NEK10: variants seen among roughly 807,000 people sequenced by gnomAD.
NEK10 encodes serine/threonine-protein kinase Nek10.
Under a neutral mutation model 159.8 loss-of-function variants are expected in NEK10, and 122 were observed. The observed-to-expected ratio is 0.76, with a 90% CI of 0.66 to 0.89. NEK10 has a LOEUF of 0.89. Among genes scored for constraint, NEK10 ranks in the 40% least tolerant of loss-of-function variants. NEK10 has a pLI of 0.00. For synonymous variants in NEK10, 466 were observed against 457.1 expected, an observed-to-expected ratio of 1.02 and a Z score of -0.25; for missense variants, 1,342 against 1,323.1, an observed-to-expected ratio of 1.01 and a Z score of -0.22.
chr3:27,146,061 TTCTA>T (rs1944269255), intron 30 of NEK10, among the ~76,000 whole-genome samples: 1 of 152,310 alleles, frequency 6.6e-6, no homozygotes, highest in South Asian at 2.1e-4. Context: ...TAACACGATG[TTCTA>T]TCTATCTCTC....
At chr3:27,354,882 C>T (rs145215441) in intron 1 of NEK10, among the ~76,000 whole-genome samples, 65 of 152,284 alleles carry the variant, frequency 4.3e-4, no homozygotes, top group African/African-American at 1.6e-3. Context: ...AGCCTTCAGT[C>T]ATAACTCCCC....
intron 23 of NEK10, among the ~76,000 whole-genome samples, chr3:27,242,059 T>C (rs549973187): frequency 9.8e-5 from 15 of 152,302 alleles, no homozygotes; most frequent in Non-Finnish European, 1.3e-4. Flanking sequence ...AAAACACTTC[T>C]ACTTTTAACA....
intron 1 of NEK10, among the ~76,000 whole-genome samples, chr3:27,361,149 A>G (rs1042485627): frequency 6.6e-6 from 1 of 152,054 alleles, no homozygotes; most frequent in African/African-American, 2.4e-5. Flanking sequence ...TAACCTCCCT[A>G]TTTTCTGATT....
At chr3:27,214,699 A>G in intron 23 of NEK10, 1 of 658,432 alleles carries the variant, frequency 1.5e-6, no homozygotes, top group South Asian at 1.5e-5. Flanking sequence ...ATTGTTACAG[A>G]AGAATGGCAG....
intron 5 of NEK10, among the ~76,000 whole-genome samples, chr3:27,332,049 G>C (rs2046456086): frequency 6.6e-6 from 1 of 152,168 alleles, no homozygotes; most frequent in South Asian, 2.1e-4. Flanking sequence ...TACAGGCAAA[G>C]GAAGAGGCAT....
intron 8 of NEK10, 135 bp downstream of exon 8, chr3:27,311,964 C>T: frequency 1.5e-6 from 1 of 672,378 alleles, no homozygotes; most frequent in Non-Finnish European, 2.7e-6. Flanking sequence ...AACAATTGGC[C>T]TGGATGCTCA....
intron 23 of NEK10, among the ~76,000 whole-genome samples, chr3:27,239,162 G>A (rs1336611228): frequency 1.3e-5 from 2 of 151,840 alleles, no homozygotes; most frequent in Non-Finnish European, 2.9e-5. Flanking sequence ...CTCACAATTG[G>A]CTAAAATGAA....
chr3:27,264,717 T>C (rs747628358), intron 22 of NEK10, among the ~76,000 whole-genome samples: 6 of 151,728 alleles, frequency 4.0e-5, no homozygotes, highest in Non-Finnish European at 7.4e-5. Context: ...CATGGGGATA[T>C]CCCATCTCTA....
Position 27,171,006 on chromosome 3 carries a change from T to C in NEK10, c.2831+813A>G, listed in dbSNP as rs569261476. ...TTCATCCTGATTCTAGGAGGTCCTT[T>C]TCCATCAAACATTCCCCACCAGCTC... On this transcript the variant is annotated intron_variant, in intron 29 of 35. Transcript: ENST00000691995. Among the ~76,000 whole-genome samples the C allele has an allele frequency of 8.5e-5, 13 of 152,248 alleles. No individual in the cohort carries two copies. The East Asian group carries it at 2.3e-3, about 27-fold the overall frequency.
At position 27,312,188 on chromosome 3, in the gene NEK10, G is replaced by A; in HGVS notation, c.490-11C>T. 3.2e-6 allele frequency: 5 copies of A among 1,568,378 alleles called. No individual in the cohort carries two copies. The highest frequency in any genetic ancestry group is 1.2e-5 in the South Asian group (1 of 85,372). On this transcript the variant is annotated splice_polypyrimidine_tract_variant and intron_variant, in intron 7 of 35. Transcript: ENST00000691995. ...TACAATCTCCATATACTGCATGAAGGACCAAACCAACAAGCCAGTCAGGAC... is the reference window on the plus strand; with the variant it reads ...TACAATCTCCATATACTGCATGAAGAACCAAACCAACAAGCCAGTCAGGAC...
At chr3:27,354,427 T>A (rs1488349107) in intron 1 of NEK10, among the ~76,000 whole-genome samples, 2 of 152,302 alleles carry the variant, frequency 1.3e-5, no homozygotes, top group East Asian at 1.9e-4. Flanking sequence ...TCTTTGGAAA[T>A]GTTGCACTTA....
At chr3:27,271,149 T>TTCTA (rs72089289) in intron 22 of NEK10, among the ~76,000 whole-genome samples, 2,483 of 148,158 alleles carry the variant, frequency 0.017, 19 homozygotes, top group Middle Eastern at 0.021. Flanking sequence ...TCTATCTATC[T>TTCTA]TCTATCTATC....
intron 32 of NEK10, 144 bp downstream of exon 32, chr3:27,131,736 A>T: frequency 2.4e-6 from 1 of 424,294 alleles, no homozygotes; most frequent in Non-Finnish European, 4.2e-6. Flanking sequence ...AAGCAAAGAC[A>T]TATCCTCAAT....
intron 26 of NEK10, among the ~76,000 whole-genome samples, chr3:27,180,441 G>A (rs886742251): frequency 6.6e-5 from 10 of 150,760 alleles, no homozygotes; most frequent in Non-Finnish European, 1.3e-4. Flanking sequence ...GGGAGGGGAA[G>A]GGAGGGGAAG....
intron 12 of NEK10, among the ~76,000 whole-genome samples, chr3:27,303,842 T>C (rs1053172088): frequency 1.3e-5 from 2 of 152,220 alleles, no homozygotes; most frequent in Non-Finnish European, 2.9e-5. Context: ...TAAGTCCCTC[T>C]GCTTTTATTA....
chr3:27,355,691 C>T (rs2048281352), intron 1 of NEK10, among the ~76,000 whole-genome samples: 1 of 152,116 alleles, frequency 6.6e-6, no homozygotes, highest in Admixed American at 6.5e-5. Flanking sequence ...TCCTCTACAT[C>T]CTCAGGAACC....
At chr3:27,175,904 G>T (rs1403766459) in intron 26 of NEK10, among the ~76,000 whole-genome samples, 1 of 152,186 alleles carries the variant, frequency 6.6e-6, no homozygotes, top group Non-Finnish European at 1.5e-5. Flanking sequence ...AGCACTTCTT[G>T]ACTAAAAAGG....
At chr3:27,270,219 A>G (rs2041224723) in intron 22 of NEK10, among the ~76,000 whole-genome samples, 1 of 152,162 alleles carries the variant, frequency 6.6e-6, no homozygotes, top group South Asian at 2.1e-4. Flanking sequence ...GCAACCATGT[A>G]GAATAGTAAA....
chr3:27,184,671 C>T (rs1948449285), intron 26 of NEK10, among the ~76,000 whole-genome samples: 1 of 152,146 alleles, frequency 6.6e-6, no homozygotes, highest in Non-Finnish European at 1.5e-5. Context: ...TAGAACATTT[C>T]CAAAACAAGT....
Sources: allele counts gnomAD v4.1 joint callset (sites outside exome capture counted in the v4.1 genomes callset), GRCh38; gene constraint gnomAD v4.1.1; transcripts MANE v1.5; gene names NCBI Gene and HGNC (gene_info 2026-07-23, HGNC 2026-07-21).